Variants in OSBPL10 observed in about 807,000 individuals in gnomAD.
OSBPL10 encodes oxysterol-binding protein-related protein 10.
OSBPL10 carries 49 observed loss-of-function variants against 81.7 expected under a neutral mutation model. The observed-to-expected ratio is 0.60, with a 90% CI of 0.48 to 0.76. The LOEUF is 0.76. Among genes scored for constraint, OSBPL10 ranks in the 30% least tolerant of loss-of-function variants. The pLI, the probability that OSBPL10 is intolerant of heterozygous loss-of-function variation, is 0.00. For synonymous variants in OSBPL10, 419 were observed against 383.6 expected, an observed-to-expected ratio of 1.09 and a Z score of -1.08; for missense variants, 923 against 987.8, an observed-to-expected ratio of 0.93 and a Z score of 0.88.
intron 7 of OSBPL10, among the ~76,000 whole-genome samples, chr3:31,689,870 A>C (rs1695475574): frequency 6.6e-6 from 1 of 152,134 alleles, no homozygotes; most frequent in Non-Finnish European, 1.5e-5. Flanking sequence ...TATTAGCAGC[A>C]TGAAAATGGA....
At chr3:31,662,373 T>C in intron 11 of OSBPL10, 2 of 1,223,658 alleles carry the variant, frequency 1.6e-6, no homozygotes, top group Non-Finnish European at 2.0e-6. Context: ...TTGGCTTCCA[T>C]CGAGACTGAT....
chr3:31,747,359 C>T (rs759508105), intron 5 of OSBPL10, among the ~76,000 whole-genome samples: 2 of 151,834 alleles, frequency 1.3e-5, no homozygotes, highest in East Asian at 3.9e-4. Context: ...TTAAAAATTG[C>T]CAAAGCTCAT....
chr3:31,990,042 A>G, intron 2 of OSBPL10: 4 of 1,614,010 alleles, frequency 2.5e-6, no homozygotes, highest in Non-Finnish European at 3.4e-6. Flanking sequence ...AATGTGACAA[A>G]GTTTTTAGTC....
intron 2 of OSBPL10, among the ~76,000 whole-genome samples, chr3:32,031,685 C>T (rs1196558289): frequency 6.6e-6 from 1 of 152,126 alleles, no homozygotes; most frequent in Admixed American, 6.5e-5. Context: ...AACTCCTGAC[C>T]TCATGTGATC....
At chr3:31,846,002 T>C (rs1447948060) in intron 3 of OSBPL10, among the ~76,000 whole-genome samples, 1 of 152,170 alleles carries the variant, frequency 6.6e-6, no homozygotes, top group Non-Finnish European at 1.5e-5. Flanking sequence ...AATTTTAAAA[T>C]AGCTATTTTT....
intron 3 of OSBPL10, among the ~76,000 whole-genome samples, chr3:31,873,181 A>G (rs1191197657): frequency 6.6e-6 from 1 of 152,196 alleles, no homozygotes; most frequent in Non-Finnish European, 1.5e-5. Flanking sequence ...AAAAGGAGTT[A>G]AATTTTATTG....
intron 2 of OSBPL10, among the ~76,000 whole-genome samples, chr3:32,018,999 A>G (rs1699338873): frequency 6.6e-6 from 1 of 152,190 alleles, no homozygotes; most frequent in South Asian, 2.1e-4. Context: ...GAGTGGGAAG[A>G]AATGAAAAAA....
intron 4 of OSBPL10, among the ~76,000 whole-genome samples, chr3:31,751,652 C>T (rs189079006): frequency 1.3e-5 from 2 of 152,186 alleles, no homozygotes; most frequent in African/African-American, 4.8e-5. Flanking sequence ...ACATCAGTAA[C>T]CAGGCACCTC....
chr3:31,726,516 A>G lies in OSBPL10; in HGVS notation c.1095+6741T>C, dbSNP rs1017120014. Among the ~76,000 whole-genome samples the G allele has an allele frequency of 4.0e-5, 6 of 151,764 alleles. 1 individual carries two copies. The highest frequency in any genetic ancestry group is 8.8e-5 in the Non-Finnish European group (6 of 67,928). Reference sequence around the variant, plus strand: ...ATTTTTAGTAGAAACAGGTTTCACCATGTTGGCCAGGACGGTCTCGATCTC... The same window carrying G: ...ATTTTTAGTAGAAACAGGTTTCACCGTGTTGGCCAGGACGGTCTCGATCTC... On this transcript the variant is annotated intron_variant, in intron 6 of 11. Coordinates refer to ENST00000396556, the MANE Select transcript of OSBPL10 (RefSeq NM_017784.5).
At chr3:31,731,633 C>T (rs1261763264) in intron 6 of OSBPL10, among the ~76,000 whole-genome samples, 3 of 152,014 alleles carry the variant, frequency 2.0e-5, no homozygotes, top group Non-Finnish European at 1.5e-5. Flanking sequence ...GGATTACAGG[C>T]GTGTGCCACC....
intron 4 of OSBPL10, among the ~76,000 whole-genome samples, chr3:31,780,088 C>T (rs1021639224): frequency 6.6e-6 from 1 of 152,052 alleles, no homozygotes; most frequent in Non-Finnish European, 1.5e-5. Flanking sequence ...GTCAGGCAAT[C>T]GAGACCATCC....
Position 31,668,747 on chromosome 3 carries a change from T to C in OSBPL10, c.1991A>G (p.Glu664Gly), listed in dbSNP as rs771742175. Residue 664 changes from glutamate (E) to glycine (G), a missense_variant, in exon 10 of 12, where the codon GAG becomes GGG. Glu to Gly is a moderately conservative substitution (Grantham distance 98). Coordinates refer to ENST00000396556, the MANE Select transcript of OSBPL10 (RefSeq NM_017784.5). ...KAHGEWNGTL[E>G]FTYNNGETKV... ...GGTTTCTCCATTGTTGTAGGTGAAC[T>C]CTAAAGTACCATTCCATTCCCCATG... 1.9e-6 allele frequency: 3 copies of C among 1,614,200 alleles called. No homozygotes were observed. In the South Asian group the frequency reaches 3.3e-5, roughly 18 times the overall value.
chr3:31,812,561 A>G (rs1699707519), intron 4 of OSBPL10, among the ~76,000 whole-genome samples: 1 of 152,106 alleles, frequency 6.6e-6, no homozygotes. Context: ...GCTGTGATTT[A>G]TGAACCCAAA....
intron 6 of OSBPL10, chr3:31,709,032 A>T (rs1232334950): frequency 2.0e-6 from 2 of 985,346 alleles, no homozygotes; most frequent in African/African-American, 3.5e-5. Flanking sequence ...GCCACCGGCG[A>T]ATTTAGGGGA....
chr3:31,999,925 G>A (rs763491975), intron 2 of OSBPL10, among the ~76,000 whole-genome samples: 2 of 152,042 alleles, frequency 1.3e-5, no homozygotes, highest in African/African-American at 2.4e-5. Flanking sequence ...CTTAGGTCAG[G>A]GCCAAAATGT....
intron 1 of OSBPL10, among the ~76,000 whole-genome samples, chr3:31,922,683 T>A (rs75090803): frequency 0.17 from 25,354 of 151,948 alleles, 2,623 homozygotes; most frequent in African/African-American, 0.26. Flanking sequence ...TAATTTTTTT[T>A]AAAAAACTGG....
At chr3:31,910,737 G>C (rs749824828) in intron 1 of OSBPL10, among the ~76,000 whole-genome samples, 2 of 152,154 alleles carry the variant, frequency 1.3e-5, no homozygotes, top group African/African-American at 4.8e-5. Flanking sequence ...ACAAATCAAA[G>C]GCTGTACTGA....
At chr3:31,893,751 A>G (rs1695974400) in intron 1 of OSBPL10, among the ~76,000 whole-genome samples, 1 of 152,142 alleles carries the variant, frequency 6.6e-6, no homozygotes, top group Non-Finnish European at 1.5e-5. Flanking sequence ...GCCAGATGAA[A>G]AACACTACAA....
chr3:32,037,214 T>C (rs139054733), intron 2 of OSBPL10, among the ~76,000 whole-genome samples: 2 of 152,348 alleles, frequency 1.3e-5, no homozygotes, highest in African/African-American at 4.8e-5. Context: ...GAGAGCTGGT[T>C]ACACAAGCAG....
Sources: allele counts gnomAD v4.1 joint callset (sites outside exome capture counted in the v4.1 genomes callset), GRCh38; gene constraint gnomAD v4.1.1; transcripts MANE v1.5; gene names NCBI Gene and HGNC (gene_info 2026-07-23, HGNC 2026-07-21).